The following SMC6 variants were observed in gnomAD, a reference collection of about 807,000 sequenced individuals.
The protein encoded by SMC6 is structural maintenance of chromosomes 6.
Under a neutral mutation model 142.2 loss-of-function variants are expected in SMC6, and 79 were observed. The observed-to-expected ratio is 0.56, with a 90% CI of 0.46 to 0.67. SMC6 has a LOEUF of 0.67. Ranked by LOEUF, SMC6 falls within the 30% of genes least tolerant of loss-of-function variation. The probability of loss-of-function intolerance (pLI) is 0.00; values close to 1 mark genes in which losing one functional copy is unlikely to be tolerated. For synonymous variants in SMC6, 411 were observed against 412.4 expected, an observed-to-expected ratio of 1.00 and a Z score of 0.04; for missense variants, 1,072 against 1,284.0, an observed-to-expected ratio of 0.83 and a Z score of 2.52.
At chr2:17,719,966 C>CT (rs1669288839) in intron 11 of SMC6, among the ~76,000 whole-genome samples, 1 of 152,046 alleles carries the variant, frequency 6.6e-6, no homozygotes, top group Non-Finnish European at 1.5e-5. Flanking sequence ...AAGAAATTTC[C>CT]TAAGCAAAGT....
chr2:17,685,554 A>T (rs1196581027), intron 23 of SMC6, among the ~76,000 whole-genome samples: 2 of 152,226 alleles, frequency 1.3e-5, no homozygotes, highest in East Asian at 3.8e-4. Flanking sequence ...CTGCATAGTC[A>T]TGTGGAAAAA....
rs373639327 is a variant in SMC6 at position 17,695,225 on chromosome 2, T to C, written c.2605A>G (p.Lys869Glu). ...EVEKSASILDKEINRLRQKIQ... is the reference protein window; with the variant it reads ...EVEKSASILDEEINRLRQKIQ... ...TTCTGCCTTAATCGATTAATTTCTT[T>C]GTCCAGAATTGATGCAGATTTTTCT... The change falls in exon 23 of 28, where the codon AAA (lysine) becomes GAA (glutamate). Residue 869 changes from lysine (K) to glutamate (E), a missense_variant. Physicochemically the swap from Lys to Glu is moderately conservative, Grantham distance 56. This residue lies in a region of SMC6 where 994 missense variants were observed against 1,153.2 expected (regional missense o/e 0.86). Transcript: ENST00000448223. The C allele has an allele frequency of 1.2e-6, 2 of 1,613,694 alleles. No individual in the cohort carries two copies. The highest frequency in any genetic ancestry group is 1.7e-6 in the Non-Finnish European group (2 of 1,179,806).
At chr2:17,721,303 T>G in intron 9 of SMC6, 42 bp from the exon 10 acceptor site, 1 of 1,510,390 alleles carries the variant, frequency 6.6e-7, no homozygotes, top group Non-Finnish European at 8.8e-7. Flanking sequence ...TTTATTAATG[T>G]TGAAAAAACA....
intron 6 of SMC6, among the ~76,000 whole-genome samples, 197 bp downstream of exon 6, chr2:17,731,544 T>C (rs79673034): frequency 0.01 from 1,539 of 152,320 alleles, 13 homozygotes; most frequent in Admixed American, 0.033. Context: ...CTGCTAATCA[T>C]GCTTTTGGTG....
In SMC6 at chr2:17,716,074, T is replaced by G; in HGVS notation, c.1525+12A>C. On this transcript the variant is annotated intron_variant, in intron 15 of 27. Coordinates refer to ENST00000448223, the MANE Select transcript of SMC6 (RefSeq NM_001142286.2). ...AAAGTTTATTATAACCTCGCTAAAT[T>G]AAGACAAATACCTAAAGGGCCTACA... The G allele has an allele frequency of 6.7e-7, 1 of 1,481,650 alleles. No homozygotes were observed. The highest frequency in any genetic ancestry group is 8.9e-7 in the Non-Finnish European group (1 of 1,119,800). 91.8% of individuals were successfully genotyped at this position (1,481,650 alleles called of 1,614,324 possible).
chr2:17,748,439 A>C (rs10197532), intron 2 of SMC6, among the ~76,000 whole-genome samples: 5,424 of 152,312 alleles, frequency 0.036, 275 homozygotes, highest in African/African-American at 0.11. Flanking sequence ...CCAAAGAAGG[A>C]TATTTAACCT....
chr2:17,710,385 A>C (rs1314950369), intron 16 of SMC6, among the ~76,000 whole-genome samples: 4 of 152,182 alleles, frequency 2.6e-5, no homozygotes, highest in African/African-American at 9.6e-5. Flanking sequence ...TTGGGCATCT[A>C]AGTGAAAAAT....
intron 2 of SMC6, chr2:17,746,304 T>C (rs16983818): frequency 0.14 from 23,442 of 162,354 alleles, 2,176 homozygotes; most frequent in African/African-American, 0.27. Context: ...ACTAGTTGAT[T>C]TTACTTCAGA....
chr2:17,695,576 G>A (rs1175987360), intron 22 of SMC6, among the ~76,000 whole-genome samples: 1 of 152,136 alleles, frequency 6.6e-6, no homozygotes, highest in East Asian at 1.9e-4. Flanking sequence ...CAGCAGTTAC[G>A]AAAAGCTTGC....
At chr2:17,683,992 T>C (rs1667340021) in intron 23 of SMC6, among the ~76,000 whole-genome samples, 1 of 152,090 alleles carries the variant, frequency 6.6e-6, no homozygotes, top group African/African-American at 2.4e-5. Flanking sequence ...GTCCAAGCCC[T>C]AGAGGAGGCA....
intron 2 of SMC6, among the ~76,000 whole-genome samples, chr2:17,747,885 C>T (rs1161727875): frequency 6.6e-6 from 1 of 152,168 alleles, no homozygotes; most frequent in South Asian, 2.1e-4. Flanking sequence ...AGCCATGTAA[C>T]CTCTGGAAAA....
At chr2:17,678,748 C>A (rs1667111112) in intron 25 of SMC6, 111 bp downstream of exon 25, 1 of 733,740 alleles carries the variant, frequency 1.4e-6, no homozygotes, top group East Asian at 2.8e-5. Flanking sequence ...TGCACTCCAG[C>A]CTGGGCAACA....
At chr2:17,675,614 A>G (rs1004023580) in intron 25 of SMC6, among the ~76,000 whole-genome samples, 1 of 152,076 alleles carries the variant, frequency 6.6e-6, no homozygotes, top group Non-Finnish European at 1.5e-5. Flanking sequence ...TAGTTTTGCT[A>G]GTTATTGAAT....
chr2:17,696,837 T>A (rs1177011819), intron 21 of SMC6, among the ~76,000 whole-genome samples: 1 of 152,126 alleles, frequency 6.6e-6, no homozygotes, highest in Non-Finnish European at 1.5e-5. Context: ...ACATCTGGTA[T>A]AACTTCACAA....
chr2:17,714,946 T>C lies in SMC6; in HGVS notation c.1645A>G (p.Met549Val). The C allele has an allele frequency of 6.2e-7, 1 of 1,613,956 alleles. No homozygotes were observed. The highest frequency in any genetic ancestry group is 1.1e-5 in the South Asian group (1 of 91,072). The change falls in exon 16 of 28, where the codon ATG becomes GTG. Residue 549 changes from methionine (M) to valine (V), a missense_variant. Coordinates refer to ENST00000448223, the MANE Select transcript of SMC6 (RefSeq NM_001142286.2). ...HADERVLQAL[M>V]KRFYLPGTSR... ...GTCCCTGGTAAATAAAACCTTTTCA[T>C]GAGTGCCTGAAGGACCCTTTCATCA...
intron 2 of SMC6, among the ~76,000 whole-genome samples, chr2:17,750,399 T>C (rs1417031125): frequency 6.6e-6 from 1 of 152,256 alleles, no homozygotes; most frequent in Non-Finnish European, 1.5e-5. Flanking sequence ...ACTTTCTATT[T>C]CCTTTGATCC....
At chr2:17,677,400 T>C (rs1667041861) in intron 25 of SMC6, among the ~76,000 whole-genome samples, 1 of 152,128 alleles carries the variant, frequency 6.6e-6, no homozygotes, top group African/African-American at 2.4e-5. Flanking sequence ...AACTGAAATA[T>C]TAGTTAGGTG....
intron 23 of SMC6, among the ~76,000 whole-genome samples, chr2:17,693,152 T>C (rs1488021716): frequency 6.6e-6 from 1 of 152,130 alleles, no homozygotes; most frequent in Non-Finnish European, 1.5e-5. Context: ...AGTGTGGCGA[T>C]TGCTAAGGGA....
At position 17,696,269 on chromosome 2, in the gene SMC6, TG is replaced by T. The variant is rs1326844408; in HGVS notation, c.2532+19del. On this transcript the variant is annotated intron_variant, in intron 22 of 27. Transcript: ENST00000448223. ...GGCTAAGGCTGAAAACAAAATAACT[TG>T]AAAAAAATGGTGAAAAACCTCTAGT... 1.9e-6 allele frequency: 3 copies of T among 1,578,518 alleles called. No individual in the cohort carries two copies. The Admixed American group carries it at 6.2e-5, about 33-fold the overall frequency.
Sources: allele counts gnomAD v4.1 joint callset (sites outside exome capture counted in the v4.1 genomes callset), GRCh38; gene constraint gnomAD v4.1.1; regional missense constraint gnomAD v4.1.1; transcripts MANE v1.5; gene names NCBI Gene and HGNC (gene_info 2026-07-23, HGNC 2026-07-21).